STX18: variants seen among roughly 807,000 people sequenced by gnomAD.
The protein encoded by STX18 is syntaxin 18, also known as syntaxin-18.
A neutral mutation model predicts 50.1 loss-of-function variants in STX18; 40 were observed. The observed-to-expected ratio is 0.80, with a 90% CI of 0.62 to 1.04. The LOEUF (loss-of-function observed/expected upper bound fraction) is 1.04, where lower values mean the gene tolerates loss of function less well. Ranked by LOEUF, STX18 falls within the 50% of genes least tolerant of loss-of-function variation. The pLI is 0.00. For synonymous variants in STX18, 158 were observed against 151.8 expected (o/e 1.04, Z -0.30); for missense variants, 410 against 415.8 (o/e 0.99, Z 0.12).
In STX18 at chr4:4,420,831, A is replaced by C. The variant is rs34931639; in HGVS notation, c.912+33T>G. On this transcript the variant is annotated intron_variant, in intron 10 of 10. Coordinates refer to ENST00000306200, the MANE Select transcript of STX18 (RefSeq NM_016930.4). This position sits in a 1 kb window ranked among gnomAD's most constrained non-coding sequence, Gnocchi z 4.3. ...CGCTGCTGGGACTCAGTGCTGCGCCACGTCGCACCTGGGGAACCTAAACAG... is the reference window on the plus strand; with the variant it reads ...CGCTGCTGGGACTCAGTGCTGCGCCCCGTCGCACCTGGGGAACCTAAACAG... 0.21 allele frequency: 328,377 copies of C among 1,592,244 alleles called. 36,015 individuals are homozygous for C. Among genetic ancestry groups the C allele is most frequent in the South Asian group, 0.31 (28,208 of 90,644 alleles).
chr4:4,483,135 T>C (rs1004163211), intron 1 of STX18, among the ~76,000 whole-genome samples: 1 of 152,192 alleles, frequency 6.6e-6, no homozygotes, highest in Non-Finnish European at 1.5e-5. Context: ...TGGTTAACAC[T>C]AGGTAGGTGG....
intron 1 of STX18, among the ~76,000 whole-genome samples, chr4:4,541,435 C>T (rs1350617544): frequency 6.6e-6 from 1 of 152,156 alleles, no homozygotes; most frequent in Non-Finnish European, 1.5e-5. Flanking sequence ...AGTGCTGCAA[C>T]AGGAAGCGAA....
At position 4,423,915 on chromosome 4, in the gene STX18, G is replaced by T. The variant is rs960727404; in HGVS notation, c.762-328C>A. ...CGGGGAATGGGGAGGGCCTGGTTGT[G>T]CCCCAGTTACAGAAAGCAGTCTCCA... is the stretch of plus-strand genomic sequence containing the variant. On this transcript the variant is annotated intron_variant, in intron 8 of 10. Transcript: ENST00000306200. 48 of 355,390 alleles carry T rather than the reference G, an allele frequency of 1.4e-4. No individual in the cohort carries two copies. In the East Asian group the frequency reaches 3.0e-3, roughly 22 times the overall value. 22.0% of individuals were successfully genotyped at this position (355,390 alleles called of 1,614,324 possible).
intron 1 of STX18, among the ~76,000 whole-genome samples, chr4:4,504,105 C>T (rs542363635): frequency 6.6e-6 from 1 of 152,040 alleles, no homozygotes; most frequent in South Asian, 2.1e-4. Context: ...TTCTATGAAG[C>T]AAAAACATAA....
chr4:4,467,883 G>A (rs1727700177), intron 2 of STX18, among the ~76,000 whole-genome samples: 1 of 152,138 alleles, frequency 6.6e-6, no homozygotes, highest in Non-Finnish European at 1.5e-5. Context: ...GCAAAAATGA[G>A]TGGTGAGAGG....
rs1256473153 is a variant in STX18, at chr4:4,420,238, T to C, written c.913-109A>G. ...GCTCTCCTGATCCTGGCTGTAACTA[T>C]GGGTGTCGTTCCATCTGTGCTTACC... On this transcript the variant is annotated intron_variant, in intron 10 of 10. Coordinates refer to ENST00000306200, the MANE Select transcript of STX18 (RefSeq NM_016930.4). The surrounding 1 kb of genome is among the most constrained non-coding windows in gnomAD (Gnocchi z 4.3). 2.5e-6 allele frequency: 2 copies of C among 816,046 alleles called. No individual in the cohort carries two copies. The highest frequency in any genetic ancestry group is 1.6e-5 in the South Asian group (1 of 62,848). The allele number at this position is 816,046 out of a possible 1,614,324, so 50.6% of individuals were successfully genotyped here.
At chr4:4,460,392 T>C (rs894226204) in intron 2 of STX18, among the ~76,000 whole-genome samples, 2 of 151,854 alleles carry the variant, frequency 1.3e-5, no homozygotes, top group Admixed American at 1.3e-4. Context: ...AACCGATTTT[T>C]CCCCCCACCC....
In STX18 at chr4:4,457,474, C is replaced by G; in HGVS notation, c.379G>C (p.Val127Leu). Residue 127 changes from valine to leucine, a missense_variant, in exon 4 of 11, where the codon GTG (valine) becomes CTG (leucine). By Grantham distance (32) the Val-to-Leu change is conservative. Transcript: ENST00000306200. ...EAHKEIHSQQ[V>L]KEHRTAVLDF... ...AAAACAGCGGTCCTGTGCTCCTTCA[C>G]TTGCTGGGAATGTATCTCCTTGTGA... 2 of 1,614,112 alleles carry G rather than the reference C, an allele frequency of 1.2e-6. No homozygotes were observed. Among genetic ancestry groups the G allele is most frequent in the Non-Finnish European group, 1.7e-6 (2 of 1,180,004 alleles).
At chr4:4,476,264 T>A (rs1288673807) in intron 1 of STX18, 1 of 152,220 alleles carries the variant, frequency 6.6e-6, no homozygotes, top group Non-Finnish European at 1.5e-5. Flanking sequence ...ATTTCTAACA[T>A]AAAGTGTAGT....
At chr4:4,497,480 CTTACGTAACGCTATGCACCAGAGTTTT>C (rs1176592458) in intron 1 of STX18, among the ~76,000 whole-genome samples, 4 of 152,324 alleles carry the variant, frequency 2.6e-5, no homozygotes, top group African/African-American at 9.6e-5. Flanking sequence ...TTCAATATCA[CTTACGTAACGCTATGCACCAGAGTTTT>C]ATACTGTCCT....
intron 1 of STX18, among the ~76,000 whole-genome samples, chr4:4,533,272 T>G (rs1731182892): frequency 6.6e-6 from 1 of 152,212 alleles, no homozygotes; most frequent in Non-Finnish European, 1.5e-5. Context: ...TTTCATACCA[T>G]AAGCCATAAT....
At chr4:4,432,957 G>A (rs572044634) in intron 7 of STX18, among the ~76,000 whole-genome samples, 36 of 152,242 alleles carry the variant, frequency 2.4e-4, no homozygotes, top group Admixed American at 2.2e-3. Context: ...GGGCCGGCGC[G>A]GCTGTTCTGA....
intron 1 of STX18, among the ~76,000 whole-genome samples, chr4:4,473,285 A>G (rs910341755): frequency 1.3e-5 from 2 of 148,836 alleles, no homozygotes; most frequent in African/African-American, 4.9e-5. Context: ...GCATCAGGAA[A>G]TCTGACTTTT....
At chr4:4,447,592 C>CAAAAAAAAAAAAAAAA (rs34300930) in intron 5 of STX18, among the ~76,000 whole-genome samples, 5 of 45,904 alleles carry the variant, frequency 1.1e-4, no homozygotes, top group Non-Finnish European at 2.0e-4. Flanking sequence ...CTCCGTCTCA[C>CAAAAAAAAAAAAAAAA]AAAAAAAAAA....
intron 1 of STX18, among the ~76,000 whole-genome samples, chr4:4,487,305 G>GA (rs530482929): frequency 1.1e-4 from 16 of 152,172 alleles, no homozygotes; most frequent in Non-Finnish European, 2.2e-4. Context: ...TGCACCATGA[G>GA]AACCACCTAC....
intron 5 of STX18, 68 bp downstream of exon 5, chr4:4,457,123 C>T: frequency 1.4e-6 from 2 of 1,444,718 alleles, no homozygotes; most frequent in South Asian, 1.2e-5. Flanking sequence ...AAGTGCTCTA[C>T]AAACTTTAAC....
At chr4:4,526,799 T>C (rs1332520040) in intron 1 of STX18, among the ~76,000 whole-genome samples, 1 of 150,660 alleles carries the variant, frequency 6.6e-6, no homozygotes, top group African/African-American at 2.4e-5. Flanking sequence ...TGAGACTCTA[T>C]CTCCAAAAAA....
Position 4,419,095 on chromosome 4 carries a change from A to G in STX18, c.*939T>C, listed in dbSNP as rs1444876073. 1.3e-5 allele frequency: 2 copies of G among 152,254 alleles called. No individual in the cohort carries two copies. Among genetic ancestry groups the G allele is most frequent in the African/African-American group, 4.8e-5 (2 of 41,468 alleles). The allele number at this position is 152,254 out of a possible 1,614,324, so 9.4% of individuals were successfully genotyped here. On this transcript the variant is annotated 3_prime_UTR_variant, in exon 11 of 11. Coordinates refer to ENST00000306200, the MANE Select transcript of STX18 (RefSeq NM_016930.4). ...CAGTGGACTGTCTGTACACACACGCATTTCACCAGGCGCAGTGCAGACTGT... is the reference window on the plus strand; with the variant it reads ...CAGTGGACTGTCTGTACACACACGCGTTTCACCAGGCGCAGTGCAGACTGT...
At chr4:4,498,840 G>A (rs553364666) in intron 1 of STX18, among the ~76,000 whole-genome samples, 1 of 152,232 alleles carries the variant, frequency 6.6e-6, no homozygotes, top group East Asian at 1.9e-4. Context: ...CTAAACACTA[G>A]GAAGAATACA....
Sources: allele counts gnomAD v4.1 joint callset (sites outside exome capture counted in the v4.1 genomes callset), GRCh38; gene constraint gnomAD v4.1.1; non-coding constraint Gnocchi (gnomAD v3.1); transcripts MANE v1.5; gene names NCBI Gene and HGNC (gene_info 2026-07-23, HGNC 2026-07-21).